TMEM232: variants seen among roughly 807,000 people sequenced by gnomAD.
TMEM232 encodes the protein transmembrane protein 232.
In TMEM232, 80 loss-of-function variants were observed where a neutral mutation model predicts 78.8. The observed-to-expected ratio is 1.01, with a 90% CI of 0.85 to 1.22. TMEM232 has a LOEUF of 1.22. TMEM232 is among the 50% of genes most tolerant of loss of function. The pLI is 0.00. For missense variants in TMEM232, 881 were observed against 742.2 expected, an observed-to-expected ratio of 1.19 and a Z score of -2.17; for synonymous variants, 297 against 254.3, an observed-to-expected ratio of 1.17 and a Z score of -1.60.
At chr5:110,450,580 A>C (rs1760162442) in intron 12 of TMEM232, among the ~76,000 whole-genome samples, 1 of 152,144 alleles carries the variant, frequency 6.6e-6, no homozygotes, top group Non-Finnish European at 1.5e-5. Flanking sequence ...AACTGTGGAA[A>C]TTAATCAAAA....
intron 1 of TMEM232, among the ~76,000 whole-genome samples, chr5:110,702,149 A>G (rs921821845): frequency 6.6e-6 from 1 of 151,998 alleles, no homozygotes; most frequent in Admixed American, 6.6e-5. Context: ...CATCAGAAGA[A>G]CAAAGAGCTA....
At chr5:110,558,535 C>A (rs1031903114) in intron 11 of TMEM232, among the ~76,000 whole-genome samples, 2 of 152,090 alleles carry the variant, frequency 1.3e-5, no homozygotes, top group African/African-American at 4.8e-5. Context: ...TGAGGCTGCA[C>A]TGCAAGTGAG....
intron 10 of TMEM232, among the ~76,000 whole-genome samples, chr5:110,578,504 C>T (rs1049677375): frequency 2.6e-5 from 4 of 151,942 alleles, no homozygotes; most frequent in South Asian, 2.1e-4. Flanking sequence ...TCCAAAATTG[C>T]TGACATCCAA....
intron 2 of TMEM232, among the ~76,000 whole-genome samples, chr5:110,643,227 G>A (rs997239866): frequency 2.0e-5 from 3 of 151,986 alleles, no homozygotes; most frequent in Non-Finnish European, 2.9e-5. Flanking sequence ...GCGGATGTGG[G>A]GTGAAGATAG....
intron 12 of TMEM232, among the ~76,000 whole-genome samples, chr5:110,484,841 T>C (rs1764286678): frequency 6.6e-6 from 1 of 151,972 alleles, no homozygotes; most frequent in African/African-American, 2.4e-5. Context: ...GAAGCAAAAG[T>C]TGACAGAATT....
intron 1 of TMEM232, among the ~76,000 whole-genome samples, chr5:110,671,838 T>C (rs1267924222): frequency 1.3e-5 from 2 of 152,310 alleles, no homozygotes; most frequent in East Asian, 3.9e-4. Context: ...GGCATGTACA[T>C]ACCTATGTAA....
intron 11 of TMEM232, among the ~76,000 whole-genome samples, chr5:110,545,916 A>C (rs974141159): frequency 5.3e-5 from 8 of 152,130 alleles, no homozygotes; most frequent in African/African-American, 1.7e-4. Context: ...AACCTTGCTC[A>C]TTGCAAGTCT....
chr5:110,627,782 G>A lies in TMEM232; in HGVS notation c.600C>T (p.Tyr200=), dbSNP rs576661869. The change falls in exon 6 of 14, where the codon TAC becomes TAT. Residue 200 remains tyrosine, a splice_region_variant and synonymous_variant. Transcript: ENST00000455884. The part of the protein sequence containing the change: ...QHLLRLQPYL[Y]ALSFSGASYH... ...GTGTAAAAATAAAAGATATTCTACC[G>A]TATAAATATGGTTGAAGCCTAAGTA... is the stretch of plus-strand genomic sequence containing the variant. 4.7e-5 allele frequency: 69 copies of A among 1,472,264 alleles called. No homozygotes were observed. The Middle Eastern group carries it at 5.3e-4, about 11-fold the overall frequency. The allele number at this position is 1,472,264 out of a possible 1,614,324, so 91.2% of individuals were successfully genotyped here.
intron 1 of TMEM232, among the ~76,000 whole-genome samples, chr5:110,671,352 G>A (rs1390792045): frequency 6.6e-6 from 1 of 152,154 alleles, no homozygotes; most frequent in Non-Finnish European, 1.5e-5. Flanking sequence ...ATTCCTCAAG[G>A]ATCTAGAATC....
chr5:110,618,308 G>C (rs1783197726), intron 8 of TMEM232, 121 bp downstream of exon 8: 1 of 1,245,794 alleles, frequency 8.0e-7, no homozygotes, highest in Admixed American at 3.0e-5. Flanking sequence ...TTGGAACTGA[G>C]ATTATAAATT....
intron 12 of TMEM232, among the ~76,000 whole-genome samples, chr5:110,518,166 T>A (rs1304675869): frequency 6.6e-6 from 1 of 152,092 alleles, no homozygotes; most frequent in Non-Finnish European, 1.5e-5. Flanking sequence ...CTCTTTCATC[T>A]CTTGTGTCCC....
At chr5:110,631,532 C>G (rs1785131452) in intron 5 of TMEM232, among the ~76,000 whole-genome samples, 1 of 152,146 alleles carries the variant, frequency 6.6e-6, no homozygotes, top group South Asian at 2.1e-4. Flanking sequence ...CTCTCCATAC[C>G]TCTGCAGGCC....
chr5:110,698,457 C>A (rs980285676), intron 1 of TMEM232, among the ~76,000 whole-genome samples: 1 of 151,830 alleles, frequency 6.6e-6, no homozygotes, highest in African/African-American at 2.4e-5. Flanking sequence ...AAAAAAATGT[C>A]TTTAAGGTAT....
intron 2 of TMEM232, among the ~76,000 whole-genome samples, chr5:110,665,357 T>A (rs1790416357): frequency 6.6e-6 from 1 of 152,170 alleles, no homozygotes; most frequent in African/African-American, 2.4e-5. Flanking sequence ...ACTCTGTCTC[T>A]GTATTAGTCC....
chr5:110,670,792 C>T (rs1343598880), intron 1 of TMEM232, among the ~76,000 whole-genome samples: 1 of 151,894 alleles, frequency 6.6e-6, no homozygotes, highest in Non-Finnish European at 1.5e-5. Flanking sequence ...TTAAAATGCA[C>T]TCAGGAAAAT....
intron 12 of TMEM232, among the ~76,000 whole-genome samples, chr5:110,504,468 G>A (rs1412866268): frequency 6.6e-6 from 1 of 152,170 alleles, no homozygotes; most frequent in Non-Finnish European, 1.5e-5. Flanking sequence ...ATGAGTAGGT[G>A]TAAACAAACA....
downstream of TMEM232, among the ~76,000 whole-genome samples, chr5:110,419,389 TAAAC>T (rs1159848377): frequency 2.0e-5 from 3 of 152,154 alleles, no homozygotes; most frequent in South Asian, 6.2e-4. Context: ...ATTGTTATCT[TAAAC>T]AAAGAATGAT....
At chr5:110,730,654 AC>A (rs1197864661), upstream of TMEM232, among the ~76,000 whole-genome samples, 22 of 152,042 alleles carry the variant, frequency 1.4e-4, no homozygotes, top group African/African-American at 5.3e-4. Context: ...AAAAGCAGAA[AC>A]CCCTGATAAA....
chr5:110,558,747 C>T (rs1775408941), intron 11 of TMEM232, among the ~76,000 whole-genome samples: 1 of 152,176 alleles, frequency 6.6e-6, no homozygotes, highest in Non-Finnish European at 1.5e-5. Flanking sequence ...CACACCAAAT[C>T]CACTGCCGAA....
Sources: allele counts gnomAD v4.1 joint callset (sites outside exome capture counted in the v4.1 genomes callset), GRCh38; gene constraint gnomAD v4.1.1; transcripts MANE v1.5; gene names NCBI Gene and HGNC (gene_info 2026-07-23, HGNC 2026-07-21).